ADAMTSL1: variants seen among roughly 807,000 people sequenced by gnomAD.
ADAMTSL1 encodes ADAMTS-like protein 1.
Under a neutral mutation model 201.8 loss-of-function variants are expected in ADAMTSL1, and 126 were observed. The ratio of observed to expected loss-of-function variants is 0.62; its 90% CI spans 0.54 to 0.72. The LOEUF (loss-of-function observed/expected upper bound fraction) is 0.72, where lower values mean the gene tolerates loss of function less well. ADAMTSL1 is among the 30% of genes least tolerant of loss of function. The pLI is 0.00. For missense variants in ADAMTSL1, 2,679 were observed against 2,277.8 expected (o/e 1.18, Z -3.59); for synonymous variants, 1,121 against 903.4 (o/e 1.24, Z -4.32).
chr9:18,807,662 A>AAC (rs1554639701), intron 20 of ADAMTSL1, among the ~76,000 whole-genome samples: 4 of 151,288 alleles, frequency 2.6e-5, no homozygotes, highest in African/African-American at 9.7e-5. Flanking sequence ...AAAAAAACAA[A>AAC]AAAAAAACAA....
intron 2 of ADAMTSL1, among the ~76,000 whole-genome samples, chr9:18,368,262 A>T (rs1261372021): frequency 6.6e-6 from 1 of 152,066 alleles, no homozygotes; most frequent in African/African-American, 2.4e-5. Flanking sequence ...CCTCATCAAT[A>T]TGAAACATCA....
chr9:17,996,623 C>G (rs968214245), intron 1 of ADAMTSL1, among the ~76,000 whole-genome samples: 1 of 152,100 alleles, frequency 6.6e-6, no homozygotes, highest in East Asian at 1.9e-4. Context: ...CATATTGAAT[C>G]CCAAAGTGCT....
chr9:17,931,555 G>T (rs1444971481), intron 1 of ADAMTSL1, among the ~76,000 whole-genome samples: 2 of 152,148 alleles, frequency 1.3e-5, no homozygotes, highest in Admixed American at 6.5e-5. Context: ...TTGCAAATTG[G>T]TTGTTTTTCA....
chr9:18,844,671 T>G (rs1045508836), intron 23 of ADAMTSL1, among the ~76,000 whole-genome samples: 14 of 152,228 alleles, frequency 9.2e-5, no homozygotes, highest in Non-Finnish European at 1.3e-4. Flanking sequence ...CAGGCCTCCT[T>G]GAGCTGTGGT....
intron 2 of ADAMTSL1, among the ~76,000 whole-genome samples, chr9:18,297,073 T>C (rs1833505378): frequency 6.6e-6 from 1 of 152,206 alleles, no homozygotes; most frequent in African/African-American, 2.4e-5. Flanking sequence ...GATCACATTT[T>C]CCAACTGGAA....
intron 2 of ADAMTSL1, among the ~76,000 whole-genome samples, chr9:18,366,839 C>T (rs1409387005): frequency 1.3e-5 from 2 of 151,996 alleles, no homozygotes; most frequent in Non-Finnish European, 2.9e-5. Context: ...AACTCCTGAC[C>T]TCAGGTAATC....
At chr9:18,128,829 C>G (rs1825840329) in intron 1 of ADAMTSL1, among the ~76,000 whole-genome samples, 1 of 152,114 alleles carries the variant, frequency 6.6e-6, no homozygotes, top group Middle Eastern at 3.4e-3. Context: ...TAAACATAAC[C>G]CTTATAAACA....
chr9:17,948,351 C>A (rs977912287), intron 1 of ADAMTSL1, among the ~76,000 whole-genome samples: 1 of 152,196 alleles, frequency 6.6e-6, no homozygotes, highest in South Asian at 2.1e-4. Flanking sequence ...TCTGCATTTT[C>A]CATTGCTCCA....
chr9:18,444,949 A>G (rs112564236), intron 2 of ADAMTSL1, among the ~76,000 whole-genome samples: 105 of 152,204 alleles, frequency 6.9e-4, no homozygotes, highest in African/African-American at 2.4e-3. Context: ...CACTACGATT[A>G]CCCTCATTTC....
At chr9:18,137,772 C>T (rs963290979) in intron 1 of ADAMTSL1, among the ~76,000 whole-genome samples, 1 of 152,010 alleles carries the variant, frequency 6.6e-6, no homozygotes, top group African/African-American at 2.4e-5. Flanking sequence ...AATTAAAGGC[C>T]CTTTTAGTAG....
At chr9:18,052,149 A>T (rs1821967866) in intron 1 of ADAMTSL1, among the ~76,000 whole-genome samples, 1 of 152,224 alleles carries the variant, frequency 6.6e-6, no homozygotes, top group South Asian at 2.1e-4. Context: ...TACTTCTATC[A>T]GTCAATGAGT....
intron 26 of ADAMTSL1, among the ~76,000 whole-genome samples, chr9:18,899,998 C>A (rs530448607): frequency 6.6e-6 from 1 of 152,270 alleles, no homozygotes; most frequent in African/African-American, 2.4e-5. Context: ...TTAGAGAGAA[C>A]AGACAACCTA....
In ADAMTSL1 at chr9:17,959,801, AC is replaced by A. The variant is rs200864318; in HGVS notation, c.87+52883del. On this transcript the variant is annotated intron_variant, in intron 1 of 29. Coordinates refer to the ADAMTSL1 transcript ENST00000680146. ...ATATTTTCTTCTTTCTTCTACCCTGACCCCTGCATTGTGTCCTAGAGTGTGA... is the reference window on the plus strand; with the variant it reads ...ATATTTTCTTCTTTCTTCTACCCTGACCCTGCATTGTGTCCTAGAGTGTGA... Among the ~76,000 whole-genome samples the A allele has an allele frequency of 5.9e-3, 899 of 151,976 alleles. 11 individuals carry two copies. The highest frequency in any genetic ancestry group is 0.021 in the African/African-American group (859 of 41,456).
intron 1 of ADAMTSL1, among the ~76,000 whole-genome samples, chr9:18,093,587 G>T (rs1217304453): frequency 2.0e-5 from 3 of 152,028 alleles, no homozygotes; most frequent in Non-Finnish European, 4.4e-5. Context: ...AAGCTGAGAG[G>T]TTATTAAGAA....
intron 1 of ADAMTSL1, among the ~76,000 whole-genome samples, chr9:18,145,022 T>G (rs1385286693): frequency 6.6e-6 from 1 of 152,162 alleles, no homozygotes; most frequent in Non-Finnish European, 1.5e-5. Flanking sequence ...GGAGCTGCTG[T>G]GAGAGCTGGA....
At chr9:18,815,093 T>C (rs1823750346) in intron 20 of ADAMTSL1, among the ~76,000 whole-genome samples, 1 of 152,176 alleles carries the variant, frequency 6.6e-6, no homozygotes, top group South Asian at 2.1e-4. Context: ...GAGAGAATTC[T>C]TATACATTGT....
intron 15 of ADAMTSL1, among the ~76,000 whole-genome samples, chr9:18,730,283 A>T (rs1166861768): frequency 6.6e-6 from 1 of 152,264 alleles, no homozygotes; most frequent in African/African-American, 2.4e-5. Flanking sequence ...TGGAAAACAA[A>T]GTAGGAAAAG....
rs774960336 is a variant in ADAMTSL1 at position 17,983,196 on chromosome 9, G to A, written c.87+76274G>A. Among the ~76,000 whole-genome samples the A allele has an allele frequency of 5.3e-5, 8 of 151,268 alleles. No individual in the cohort carries two copies. The South Asian group carries it at 1.5e-3, about 28-fold the overall frequency. On this transcript the variant is annotated intron_variant, in intron 1 of 29. Coordinates refer to the ADAMTSL1 transcript ENST00000680146. The stretch of plus-strand genomic sequence containing the variant: ...AGCGATTCTCCTGCCTCAGCCTCCC[G>A]AGCAGCTGGGACTACAGGTGGGCAC...
intron 1 of ADAMTSL1, among the ~76,000 whole-genome samples, chr9:17,976,224 A>G (rs1266678521): frequency 1.3e-5 from 1 of 76,788 alleles, no homozygotes; most frequent in Admixed American, 1.8e-4. Flanking sequence ...TGATTTCATA[A>G]AAATTTAGTA....
Sources: gnomAD v4.1 joint callset for allele counts (sites outside exome capture counted in the v4.1 genomes callset) on GRCh38, gnomAD v4.1.1 for gene constraint, MANE v1.5 for transcripts, NCBI Gene and HGNC (gene_info 2026-07-23, HGNC 2026-07-21) for gene names.